Variants in PARP8 observed in about 807,000 individuals in gnomAD.
The protein encoded by PARP8 is poly(ADP-ribose) polymerase family member 8.
In PARP8, 51 loss-of-function variants were observed where a neutral mutation model predicts 124.1. The ratio of observed to expected loss-of-function variants is 0.41; its 90% CI spans 0.33 to 0.52. The LOEUF (loss-of-function observed/expected upper bound fraction) is 0.52. Ranked by LOEUF, PARP8 falls within the 20% of genes least tolerant of loss-of-function variation. The pLI, the probability that PARP8 is intolerant of heterozygous loss-of-function variation, is 0.21. For synonymous variants in PARP8, 391 were observed against 361.5 expected, an observed-to-expected ratio of 1.08 and a Z score of -0.93; for missense variants, 860 against 1,018.9, an observed-to-expected ratio of 0.84 and a Z score of 2.12.
At chr5:50,681,873 C>T (rs1379117844) in intron 2 of PARP8, among the ~76,000 whole-genome samples, 1 of 152,088 alleles carries the variant, frequency 6.6e-6, no homozygotes, top group Admixed American at 6.6e-5. Flanking sequence ...CAGCTTGTTG[C>T]TTGTAATATG....
intron 2 of PARP8, among the ~76,000 whole-genome samples, chr5:50,706,852 G>T (rs1397777959): frequency 6.6e-6 from 1 of 152,012 alleles, no homozygotes; most frequent in Non-Finnish European, 1.5e-5. Flanking sequence ...TTTTACTTAA[G>T]TAAAACTTGG....
chr5:50,702,885 G>T (rs1476549967), intron 2 of PARP8, among the ~76,000 whole-genome samples: 1 of 152,142 alleles, frequency 6.6e-6, no homozygotes, highest in Non-Finnish European at 1.5e-5. Flanking sequence ...CTTCCTCTGT[G>T]CTGGGCACAT....
intron 14 of PARP8, among the ~76,000 whole-genome samples, chr5:50,810,996 T>C (rs1252316589): frequency 2.6e-5 from 4 of 152,124 alleles, no homozygotes; most frequent in African/African-American, 9.7e-5. Context: ...GATGGCAAAG[T>C]GTTTTGGTTT....
intron 2 of PARP8, among the ~76,000 whole-genome samples, chr5:50,669,716 C>T (rs1749781275): frequency 6.6e-6 from 1 of 152,134 alleles, no homozygotes; most frequent in African/African-American, 2.4e-5. Context: ...AATAATTAAG[C>T]GAGATAACAT....
At chr5:50,670,084 A>T (rs563991600) in intron 2 of PARP8, among the ~76,000 whole-genome samples, 1 of 152,354 alleles carries the variant, frequency 6.6e-6, no homozygotes, top group East Asian at 1.9e-4. Context: ...TTTTCTGAAA[A>T]TAACGTATTT....
intron 2 of PARP8, among the ~76,000 whole-genome samples, chr5:50,686,416 C>T: frequency 6.6e-6 from 1 of 152,354 alleles, no homozygotes; most frequent in East Asian, 1.9e-4. Flanking sequence ...CTCCTGGCTG[C>T]TTTCACAGGC....
rs969398112 is a variant in PARP8 at position 50,702,585 on chromosome 5, A to C, written c.146+34460A>C. Among the ~76,000 whole-genome samples the C allele has an allele frequency of 9.2e-5, 14 of 152,204 alleles. 1 individual carries two copies. The highest frequency in any genetic ancestry group is 3.4e-4 in the African/African-American group (14 of 41,476). Reference sequence around the variant, plus strand: ...TTAGAAGATGAGGCTCTTGCTTTTGACATCTTAGTCTTAGCACTACTAGAA... The same window carrying C: ...TTAGAAGATGAGGCTCTTGCTTTTGCCATCTTAGTCTTAGCACTACTAGAA... On this transcript the variant is annotated intron_variant, in intron 2 of 25. Transcript: ENST00000281631.
At chr5:50,834,713 G>T in intron 24 of PARP8, 6 of 539,900 alleles carry the variant, frequency 1.1e-5, no homozygotes, top group Non-Finnish European at 1.0e-5. Context: ...CCTTTTTATT[G>T]TTATACCAGT....
At chr5:50,705,646 G>T (rs1197557020) in intron 2 of PARP8, among the ~76,000 whole-genome samples, 1 of 151,998 alleles carries the variant, frequency 6.6e-6, no homozygotes, top group Admixed American at 6.6e-5. Flanking sequence ...TTAGCTGGGC[G>T]TGATGGCGTG....
intron 2 of PARP8, among the ~76,000 whole-genome samples, chr5:50,714,344 A>G (rs899153858): frequency 8.5e-5 from 13 of 152,080 alleles, no homozygotes; most frequent in Admixed American, 3.9e-4. Flanking sequence ...CTATCTTTCC[A>G]TAATCCTCTT....
chr5:50,836,586 A>G (rs1467330157), intron 25 of PARP8, among the ~76,000 whole-genome samples: 2 of 152,126 alleles, frequency 1.3e-5, no homozygotes, highest in Admixed American at 1.3e-4. Flanking sequence ...GCTTATTGAG[A>G]AAGTCCTTAC....
Position 50,797,040 on chromosome 5 carries a change from C to T in PARP8, c.1479+8C>T, listed in dbSNP as rs1167123212. The T allele has an allele frequency of 6.2e-7, 1 of 1,612,730 alleles. No individual in the cohort carries two copies. The highest frequency in any genetic ancestry group is 8.5e-7 in the Non-Finnish European group (1 of 1,179,146). On this transcript the variant is annotated splice_region_variant and intron_variant, in intron 13 of 25. Transcript: ENST00000281631. ...CGTGGCTTCCTGGTGCAGGTATGAG[C>T]CAAAACTCTATCCATTGTACAAATA... is the stretch of plus-strand genomic sequence containing the variant.
chr5:50,681,844 A>C (rs1420243025), intron 2 of PARP8, among the ~76,000 whole-genome samples: 2 of 152,132 alleles, frequency 1.3e-5, no homozygotes, highest in Non-Finnish European at 2.9e-5. Flanking sequence ...CTGTCTCCCT[A>C]CACCCTGTTC....
chr5:50,824,764 G>A (rs1746155652), intron 17 of PARP8, 144 bp from the exon 18 acceptor site: 1 of 639,346 alleles, frequency 1.6e-6, no homozygotes, highest in South Asian at 2.0e-5. Flanking sequence ...AAAAGACTAG[G>A]GCAATTGTTG....
At chr5:50,733,532 T>A (rs1397774629) in intron 2 of PARP8, among the ~76,000 whole-genome samples, 1 of 152,224 alleles carries the variant, frequency 6.6e-6, no homozygotes, top group Non-Finnish European at 1.5e-5. Flanking sequence ...TAAATACCTT[T>A]AAATTATCAA....
intron 2 of PARP8, among the ~76,000 whole-genome samples, chr5:50,705,247 A>G (rs1421478063): frequency 5.3e-5 from 8 of 152,220 alleles, no homozygotes; most frequent in Admixed American, 3.9e-4. Context: ...TCAAACATCT[A>G]GAAACTATTT....
At chr5:50,822,766 G>T (rs774827684) in intron 17 of PARP8, among the ~76,000 whole-genome samples, 10 of 152,104 alleles carry the variant, frequency 6.6e-5, no homozygotes, top group Admixed American at 1.3e-4. Flanking sequence ...AAACAGAAAT[G>T]TTCTTTAAAA....
chr5:50,677,924 T>TAA (rs34570578), intron 2 of PARP8, among the ~76,000 whole-genome samples: 6,275 of 143,314 alleles, frequency 0.044, 416 homozygotes, highest in African/African-American at 0.15. Context: ...TTACAGAAAT[T>TAA]AAAAAAAAAA....
chr5:50,687,383 C>T (rs1751988587), intron 2 of PARP8, among the ~76,000 whole-genome samples: 2 of 152,178 alleles, frequency 1.3e-5, no homozygotes, highest in African/African-American at 2.4e-5. Flanking sequence ...GGTTTTTGGT[C>T]AAAGCCATTC....
Sources: allele counts gnomAD v4.1 joint callset (sites outside exome capture counted in the v4.1 genomes callset), GRCh38; gene constraint gnomAD v4.1.1; transcripts MANE v1.5; gene names NCBI Gene and HGNC (gene_info 2026-07-23, HGNC 2026-07-21).